Variants in TNRC6B observed in about 807,000 individuals in gnomAD.
TNRC6B encodes the protein trinucleotide repeat-containing gene 6B protein.
A neutral mutation model predicts 203.6 loss-of-function variants in TNRC6B; 52 were observed. That is an observed-to-expected ratio of 0.26 (90% CI 0.20 to 0.32). The LOEUF (loss-of-function observed/expected upper bound fraction) is 0.32. TNRC6B is among the 10% of genes least tolerant of loss of function. The pLI is 1.00. For synonymous variants in TNRC6B, 838 were observed against 845.7 expected (o/e 0.99, Z 0.16); for missense variants, 1,923 against 2,286.2 (o/e 0.84, Z 3.24).
intron 1 of TNRC6B, among the ~76,000 whole-genome samples, chr22:40,201,494 G>A (rs565930393): frequency 6.6e-6 from 1 of 151,324 alleles, no homozygotes; most frequent in East Asian, 1.9e-4. Flanking sequence ...GTAGTGCAGT[G>A]GCATGATCAT....
chr22:40,211,030 C>G (rs1466114629), intron 1 of TNRC6B, among the ~76,000 whole-genome samples: 1 of 152,198 alleles, frequency 6.6e-6, no homozygotes, highest in Non-Finnish European at 1.5e-5. Context: ...TTACACTCTT[C>G]TTTTTCACTT....
At chr22:40,318,097 A>G (rs368068188) in intron 21 of TNRC6B, among the ~76,000 whole-genome samples, 4 of 152,318 alleles carry the variant, frequency 2.6e-5, no homozygotes, top group East Asian at 1.9e-4. Context: ...CTGTGGGGAA[A>G]TACATCTCCT....
At chr22:40,222,866 CTTGTGA>C (rs1215589234) in intron 1 of TNRC6B, among the ~76,000 whole-genome samples, 1 of 149,376 alleles carries the variant, frequency 6.7e-6, no homozygotes, top group Non-Finnish European at 1.5e-5. Context: ...CTGCCTCAGC[CTTGTGA>C]GTAGCTGGGA....
chr22:40,330,544 T>C lies in TNRC6B; in HGVS notation c.*7303T>C, dbSNP rs150322503. ...ACAAAATAAAAACCTTTGGAACCCT[T>C]TAAGAAGTTACATACCTTTTAAAGG... On this transcript the variant is annotated 3_prime_UTR_variant, in exon 23 of 23. Coordinates refer to ENST00000454349, the MANE Select transcript of TNRC6B (RefSeq NM_001162501.2). 6.6e-6 allele frequency: 1 copy of C among 152,606 alleles called. No homozygotes were observed. Among genetic ancestry groups the C allele is most frequent in the Non-Finnish European group, 1.5e-5 (1 of 68,030 alleles). The allele number at this position is 152,606 out of a possible 1,614,324, so 9.5% of individuals were successfully genotyped here.
At chr22:40,124,942 G>A (rs545561975) in intron 2 of TNRC6B, among the ~76,000 whole-genome samples, 9 of 152,050 alleles carry the variant, frequency 5.9e-5, no homozygotes, top group African/African-American at 2.2e-4. Context: ...GAACCCAGGA[G>A]GTGGAGGTTG....
intron 3 of TNRC6B, among the ~76,000 whole-genome samples, chr22:40,148,188 A>G (rs1330006807): frequency 1.3e-5 from 2 of 152,314 alleles, no homozygotes; most frequent in East Asian, 3.9e-4. Flanking sequence ...AAGTCCACAC[A>G]AAGTACTGCT....
chr22:40,277,949 T>A, intron 8 of TNRC6B, 50 bp from the exon 9 acceptor site: 4 of 1,389,732 alleles, frequency 2.9e-6, no homozygotes, highest in Non-Finnish European at 4.0e-6. Context: ...ACTTCTTTGA[T>A]TCAAAGATGT....
At chr22:40,224,814 T>G (rs757442437) in intron 1 of TNRC6B, among the ~76,000 whole-genome samples, 1 of 152,238 alleles carries the variant, frequency 6.6e-6, no homozygotes, top group Non-Finnish European at 1.5e-5. Context: ...TCTGATCTTA[T>G]GAAGTCGTGT....
intron 1 of TNRC6B, among the ~76,000 whole-genome samples, chr22:40,190,953 G>C (rs904820639): frequency 2.0e-5 from 3 of 152,198 alleles, no homozygotes; most frequent in Non-Finnish European, 4.4e-5. Context: ...AAACAAGAAG[G>C]TAAGAAGACC....
chr22:40,310,023 A>G (rs542146872), intron 16 of TNRC6B, among the ~76,000 whole-genome samples: 4 of 152,358 alleles, frequency 2.6e-5, no homozygotes, highest in South Asian at 2.1e-4. Context: ...GTAGACTGGT[A>G]TCTCACTGAT....
chr22:40,062,841 A>G (rs2067865554), intron 1 of TNRC6B, among the ~76,000 whole-genome samples: 1 of 152,236 alleles, frequency 6.6e-6, no homozygotes, highest in East Asian at 1.9e-4. Context: ...ATATTTCTTT[A>G]TATATCTAGA....
chr22:40,250,112 A>G (rs888919029), intron 2 of TNRC6B, among the ~76,000 whole-genome samples: 1 of 152,208 alleles, frequency 6.6e-6, no homozygotes, highest in African/African-American at 2.4e-5. Context: ...TGCTATATGA[A>G]TATTTTTATT....
chr22:40,179,604 G>T (rs900169804), intron 1 of TNRC6B, among the ~76,000 whole-genome samples: 1 of 152,166 alleles, frequency 6.6e-6, no homozygotes, highest in African/African-American at 2.4e-5. Flanking sequence ...GAATAATTTT[G>T]ATCAGAAGGG....
chr22:40,208,541 AC>A (rs1433324753), intron 1 of TNRC6B, among the ~76,000 whole-genome samples: 1 of 152,200 alleles, frequency 6.6e-6, no homozygotes, highest in African/African-American at 2.4e-5. Flanking sequence ...ACTCAGAAAT[AC>A]AACTGAAATG....
chr22:40,072,942 T>A (rs1163869751), intron 1 of TNRC6B, among the ~76,000 whole-genome samples: 1 of 144,964 alleles, frequency 6.9e-6, no homozygotes, highest in African/African-American at 2.5e-5. Context: ...GAACAAAAGA[T>A]CAGAAATCAC....
At chr22:40,083,870 T>C (rs767984928) in intron 1 of TNRC6B, among the ~76,000 whole-genome samples, 2 of 152,102 alleles carry the variant, frequency 1.3e-5, no homozygotes, top group Admixed American at 6.6e-5. Flanking sequence ...TGACATTAGC[T>C]TAAAAGGCAG....
intron 3 of TNRC6B, among the ~76,000 whole-genome samples, chr22:40,138,321 A>G (rs1568994916): frequency 1.3e-5 from 2 of 152,220 alleles, no homozygotes; most frequent in Non-Finnish European, 2.9e-5. Flanking sequence ...ACTATTGTGT[A>G]GTGGTATGAT....
intron 1 of TNRC6B, among the ~76,000 whole-genome samples, chr22:40,104,916 C>CAT (rs1468109949): frequency 6.6e-6 from 1 of 152,146 alleles, no homozygotes; most frequent in African/African-American, 2.4e-5. Context: ...GAATTTAGAC[C>CAT]AATCAGTCTG....
intron 12 of TNRC6B, among the ~76,000 whole-genome samples, chr22:40,288,371 T>C (rs2070816582): frequency 6.6e-6 from 1 of 152,182 alleles, no homozygotes; most frequent in African/African-American, 2.4e-5. Context: ...CAATATACTA[T>C]TAAAGATTTT....
Sources: gnomAD v4.1 joint callset for allele counts (sites outside exome capture counted in the v4.1 genomes callset) on GRCh38, gnomAD v4.1.1 for gene constraint, MANE v1.5 for transcripts, NCBI Gene and HGNC (gene_info 2026-07-23, HGNC 2026-07-21) for gene names.